Variants in DLGAP2 observed in about 807,000 individuals in gnomAD.
DLGAP2 encodes the protein disks large-associated protein 2.
In DLGAP2, 26 loss-of-function variants were observed where a neutral mutation model predicts 100.3. The ratio of observed to expected loss-of-function variants is 0.26; its 90% CI spans 0.19 to 0.36. The LOEUF is 0.36. Among genes scored for constraint, DLGAP2 ranks in the 10% least tolerant of loss-of-function variants. The pLI, the probability that DLGAP2 is intolerant of heterozygous loss-of-function variation, is 1.00. For synonymous variants in DLGAP2, 886 were observed against 630.1 expected (o/e 1.41, Z -6.08); for missense variants, 1,858 against 1,453.2 (o/e 1.28, Z -4.53).
chr8:1,414,622 G>C (rs537955693), intron 3 of DLGAP2, among the ~76,000 whole-genome samples: 18 of 152,356 alleles, frequency 1.2e-4, no homozygotes, highest in Admixed American at 1.0e-3. Context: ...CTGCCCGGCA[G>C]CTGTCTCTGA....
intron 1 of DLGAP2, among the ~76,000 whole-genome samples, chr8:859,396 G>A (rs963939790): frequency 6.6e-6 from 1 of 152,208 alleles, no homozygotes; most frequent in African/African-American, 2.4e-5. Flanking sequence ...ACAGGTGTGA[G>A]CCAGCACACC....
At chr8:1,407,896 T>C (rs1224504763) in intron 3 of DLGAP2, among the ~76,000 whole-genome samples, 36 of 152,234 alleles carry the variant, frequency 2.4e-4, no homozygotes, top group African/African-American at 8.7e-4. Flanking sequence ...TCTGGAGTCA[T>C]GTATTGAGTG....
chr8:1,277,621 A>G (rs1175357394), intron 3 of DLGAP2, among the ~76,000 whole-genome samples: 2 of 152,200 alleles, frequency 1.3e-5, no homozygotes, highest in East Asian at 3.8e-4. Flanking sequence ...GGAGTATCGA[A>G]GTATCAGCCA....
intron 2 of DLGAP2, among the ~76,000 whole-genome samples, chr8:1,233,945 C>T (rs62486944): frequency 0.11 from 16,708 of 152,098 alleles, 1,053 homozygotes; most frequent in South Asian, 0.17. Context: ...CTTAAGGTGT[C>T]CTAGGACGGG....
intron 3 of DLGAP2, among the ~76,000 whole-genome samples, chr8:1,470,775 A>ACC (rs1563168449): frequency 6.6e-5 from 5 of 76,018 alleles, no homozygotes; most frequent in Non-Finnish European, 1.6e-4. Context: ...GCCTTTCCCG[A>ACC]CTCCCCCAGC....
intron 2 of DLGAP2, among the ~76,000 whole-genome samples, chr8:1,217,333 C>T (rs1798234692): frequency 6.6e-6 from 1 of 152,018 alleles, no homozygotes; most frequent in Non-Finnish European, 1.5e-5. Context: ...GCATATGCAC[C>T]ACATTTTCTG....
chr8:1,251,163 C>T (rs934801741), intron 2 of DLGAP2, among the ~76,000 whole-genome samples: 66 of 152,196 alleles, frequency 4.3e-4, no homozygotes, highest in Non-Finnish European at 8.8e-4. Context: ...ACCACAATTT[C>T]TCCCTGAGAA....
At chr8:1,354,276 C>T (rs188145274) in intron 3 of DLGAP2, among the ~76,000 whole-genome samples, 15 of 152,256 alleles carry the variant, frequency 9.9e-5, no homozygotes, top group East Asian at 5.8e-4. Context: ...GAGGCCAAGA[C>T]GGGTGGATTG....
At chr8:883,592 G>C (rs923817034) in intron 1 of DLGAP2, among the ~76,000 whole-genome samples, 36 of 151,788 alleles carry the variant, frequency 2.4e-4, no homozygotes, top group African/African-American at 8.2e-4. Context: ...GCGGCGGTTC[G>C]TTACATAGGA....
chr8:741,859 A>G (rs1046150057), intron 1 of DLGAP2, among the ~76,000 whole-genome samples: 4 of 152,318 alleles, frequency 2.6e-5, no homozygotes, highest in Admixed American at 6.5e-5. Context: ...AGGAGAGGAA[A>G]GCTTTAGGAA....
At chr8:1,300,202 C>G (rs945868395) in intron 3 of DLGAP2, 1 of 152,198 alleles carries the variant, frequency 6.6e-6, no homozygotes, top group Admixed American at 6.5e-5. Context: ...CACCGTTATA[C>G]GTGTGTGTCT....
At chr8:1,637,620 A>G (rs1348678985) in intron 8 of DLGAP2, among the ~76,000 whole-genome samples, 1 of 152,180 alleles carries the variant, frequency 6.6e-6, no homozygotes, top group Admixed American at 6.5e-5. Context: ...ATAAAGAACA[A>G]TCATCTTATA....
chr8:1,306,426 A>G lies in DLGAP2; in HGVS notation c.106+47543A>G, dbSNP rs997227564. ...ACTGAAAACTATAAAATGTTGTTAT[A>G]AGACATTAAAGACACTAATGAACGG... On this transcript the variant is annotated intron_variant, in intron 3 of 14. Transcript: ENST00000637795. Among the ~76,000 whole-genome samples, 3 of 152,200 alleles carry G rather than the reference A, an allele frequency of 2.0e-5. No homozygotes were observed. The South Asian group carries it at 6.2e-4, about 32-fold the overall frequency.
intron 6 of DLGAP2, among the ~76,000 whole-genome samples, chr8:1,578,837 C>T (rs1006198299): frequency 6.6e-6 from 1 of 152,198 alleles, no homozygotes; most frequent in Non-Finnish European, 1.5e-5. Flanking sequence ...TACAGACCCT[C>T]GGCCTTGTGT....
rs182286320 is a variant in DLGAP2, at chr8:1,408,144, C to G, written c.107-93222C>G. Among the ~76,000 whole-genome samples, 559 of 152,364 alleles carry G rather than the reference C, an allele frequency of 3.7e-3. 6 individuals carry two copies. Among genetic ancestry groups the G allele is most frequent in the African/African-American group, 0.013 (521 of 41,600 alleles). On this transcript the variant is annotated intron_variant, in intron 3 of 14. Transcript: ENST00000637795. ...CAAGGCAAGCCTGGTCTCTGGCTCA[C>G]TCTTTCTTTCCAGCATCTCCAGCTA...
chr8:1,664,765 G>A (rs1004728554), intron 8 of DLGAP2, among the ~76,000 whole-genome samples: 4 of 152,196 alleles, frequency 2.6e-5, no homozygotes, highest in African/African-American at 7.2e-5. Context: ...CAACTTTTAC[G>A]AAAGTCAGTC....
At chr8:1,699,470 C>T (rs1194825367) in intron 14 of DLGAP2, among the ~76,000 whole-genome samples, 1 of 151,610 alleles carries the variant, frequency 6.6e-6, no homozygotes, top group Non-Finnish European at 1.5e-5. Context: ...AAAAATTAGC[C>T]AGGCGTGGTG....
chr8:1,194,627 G>C (rs533190390), intron 2 of DLGAP2, among the ~76,000 whole-genome samples: 2 of 152,210 alleles, frequency 1.3e-5, no homozygotes, highest in South Asian at 2.1e-4. Context: ...TGGAAGCCGA[G>C]TCCTTGCTAT....
At chr8:1,439,082 C>A (rs1019938162) in intron 3 of DLGAP2, among the ~76,000 whole-genome samples, 2 of 152,096 alleles carry the variant, frequency 1.3e-5, no homozygotes, top group African/African-American at 4.8e-5. Flanking sequence ...GAGGAGAGAA[C>A]GCACATGCTG....
Sources: allele counts gnomAD v4.1 joint callset (sites outside exome capture counted in the v4.1 genomes callset), GRCh38; gene constraint gnomAD v4.1.1; transcripts MANE v1.5; gene names NCBI Gene and HGNC (gene_info 2026-07-23, HGNC 2026-07-21).